Variants in SLC17A1 observed in about 807,000 individuals in gnomAD.
The protein encoded by SLC17A1 is sodium-dependent phosphate transport protein 1.
SLC17A1 carries 51 observed loss-of-function variants against 53.5 expected under a neutral mutation model. The observed-to-expected ratio is 0.95, with a 90% CI of 0.76 to 1.20. SLC17A1 has a LOEUF of 1.20. Ranked by LOEUF, SLC17A1 falls within the 50% of genes most tolerant of loss-of-function variation. SLC17A1 has a pLI of 0.00. For synonymous variants in SLC17A1, 179 were observed against 198.8 expected (o/e 0.90, Z 0.84); for missense variants, 538 against 568.2 (o/e 0.95, Z 0.54).
chr6:25,728,114 C>T, the SLC17A1 span, among the ~76,000 whole-genome samples: 1 of 152,138 alleles, frequency 6.6e-6, no homozygotes, highest in Admixed American at 6.5e-5. Flanking sequence ...AGCGCAGCGA[C>T]ATAGACAGTA....
the SLC17A1 span, chr6:25,770,381 C>G: frequency 2.7e-4 from 433 of 1,614,036 alleles, no homozygotes; most frequent in African/African-American, 5.5e-3. Context: ...TTTTTCCCCC[C>G]AGGTTATGGT....
chr6:25,773,869 G>A, the SLC17A1 span, among the ~76,000 whole-genome samples: 1 of 152,040 alleles, frequency 6.6e-6, no homozygotes, highest in Non-Finnish European at 1.5e-5. Context: ...ACTGCAGGAG[G>A]ATGATACATA....
At chr6:25,812,027 T>C (rs1286426291) in intron 8 of SLC17A1, among the ~76,000 whole-genome samples, 1 of 152,032 alleles carries the variant, frequency 6.6e-6, no homozygotes, top group Non-Finnish European at 1.5e-5. Context: ...CACTGGATAA[T>C]AGAGGAGGAA....
intron 10 of SLC17A1, among the ~76,000 whole-genome samples, chr6:25,809,918 A>T: frequency 6.6e-6 from 1 of 152,158 alleles, no homozygotes; most frequent in Non-Finnish European, 1.5e-5. Flanking sequence ...GAAAATAGAT[A>T]CATAGACCAA....
chr6:25,728,711 G>A, the SLC17A1 span, among the ~76,000 whole-genome samples: 1 of 152,194 alleles, frequency 6.6e-6, no homozygotes, highest in African/African-American at 2.4e-5. Flanking sequence ...CTACTTGGGA[G>A]GCTGAGGCAG....
the SLC17A1 span, among the ~76,000 whole-genome samples, chr6:25,761,635 C>T: frequency 6.6e-6 from 1 of 152,058 alleles, no homozygotes; most frequent in African/African-American, 2.4e-5. Flanking sequence ...ATACTAGTAT[C>T]AATTTAGAGA....
intron 9 of SLC17A1, 38 bp downstream of exon 9, chr6:25,811,600 T>C: frequency 2.5e-6 from 4 of 1,613,260 alleles, no homozygotes; most frequent in Non-Finnish European, 3.4e-6. Context: ...AGGGGAGAAG[T>C]ATCTCCCAAG....
chr6:25,808,379 A>C (rs1165947016), intron 10 of SLC17A1, among the ~76,000 whole-genome samples: 1 of 151,970 alleles, frequency 6.6e-6, no homozygotes, highest in East Asian at 1.9e-4. Context: ...GATAAAAAAA[A>C]CCACCTATTG....
chr6:25,773,823 T>C, the SLC17A1 span: 1 of 720,672 alleles, frequency 1.4e-6, no homozygotes, highest in Non-Finnish European at 2.2e-6. Flanking sequence ...TCTAGTTAAT[T>C]TGGATTCTGA....
chr6:25,737,863 T>G, the SLC17A1 span, among the ~76,000 whole-genome samples: 4 of 152,218 alleles, frequency 2.6e-5, no homozygotes, highest in African/African-American at 9.6e-5. Context: ...TTTCTTCTGA[T>G]TCCCCTTAAT....
At chr6:25,751,756 A>G in the SLC17A1 span, among the ~76,000 whole-genome samples, 1 of 152,162 alleles carries the variant, frequency 6.6e-6, no homozygotes. Context: ...AGCCATCATC[A>G]GTTTATTGGC....
At chr6:25,808,035 T>G (rs1764019051) in intron 10 of SLC17A1, among the ~76,000 whole-genome samples, 1 of 152,126 alleles carries the variant, frequency 6.6e-6, no homozygotes, top group Non-Finnish European at 1.5e-5. Context: ...CTTTAAGGAA[T>G]CTCCACACTG....
the SLC17A1 span, among the ~76,000 whole-genome samples, chr6:25,775,581 G>A: frequency 3.8e-3 from 580 of 151,970 alleles, 9 homozygotes; most frequent in Non-Finnish European, 3.0e-3. Context: ...GACCACAGGC[G>A]TGTACCACCA....
intron 12 of SLC17A1, among the ~76,000 whole-genome samples, chr6:25,786,243 T>G (rs1232553418): frequency 6.6e-6 from 1 of 152,262 alleles, no homozygotes; most frequent in African/African-American, 2.4e-5. Flanking sequence ...TAATTTCATT[T>G]ACATGAAATG....
the SLC17A1 span, among the ~76,000 whole-genome samples, chr6:25,774,465 C>T: frequency 1.3e-5 from 2 of 152,154 alleles, no homozygotes; most frequent in African/African-American, 4.8e-5. Flanking sequence ...AGAGAGCTGA[C>T]CTTCTTAGCA....
chr6:25,777,094 C>T, the SLC17A1 span: 2 of 954,176 alleles, frequency 2.1e-6, no homozygotes, highest in Admixed American at 5.4e-5. Context: ...CTACATCCTA[C>T]ATCTAAATAA....
chr6:25,803,758 T>C (rs1185569060), intron 10 of SLC17A1, among the ~76,000 whole-genome samples: 2 of 152,050 alleles, frequency 1.3e-5, no homozygotes, highest in African/African-American at 2.4e-5. Flanking sequence ...AATATGGACA[T>C]AATAGCAATA....
intron 2 of SLC17A1, among the ~76,000 whole-genome samples, chr6:25,828,685 T>C (rs1561845728): frequency 6.6e-6 from 1 of 152,108 alleles, no homozygotes; most frequent in Non-Finnish European, 1.5e-5. Flanking sequence ...GGAAGCTATT[T>C]TATTAGATAA....
chr6:25,778,576 A>G (rs1392184341), downstream of SLC17A1, among the ~76,000 whole-genome samples: 1 of 152,194 alleles, frequency 6.6e-6, no homozygotes, highest in African/African-American at 2.4e-5. Flanking sequence ...GCTACGTGCT[A>G]TTTAAGTGAA....
Sources: gnomAD v4.1 joint callset for allele counts (sites outside exome capture counted in the v4.1 genomes callset) on GRCh38, gnomAD v4.1.1 for gene constraint, MANE v1.5 for transcripts, NCBI Gene and HGNC (gene_info 2026-07-23, HGNC 2026-07-21) for gene names.